TICAM2: variants seen among roughly 807,000 people sequenced by gnomAD.
TICAM2 encodes the protein TIR domain containing adaptor molecule 2.
In TICAM2, 8 loss-of-function variants were observed where a neutral mutation model predicts 7.3. The ratio of observed to expected loss-of-function variants is 1.10; its 90% CI spans 0.65 to 1.99. The LOEUF (loss-of-function observed/expected upper bound fraction) is 1.99. Among genes scored for constraint, TICAM2 ranks in the 30% most tolerant of loss-of-function variants. The probability of loss-of-function intolerance (pLI) is 0.00; values close to 1 mark genes in which losing one functional copy is unlikely to be tolerated. For synonymous variants in TICAM2, 113 were observed against 99.6 expected (o/e 1.13, Z -0.80); for missense variants, 304 against 278.8 (o/e 1.09, Z -0.65).
At chr5:115,585,681 G>T (rs190114003) in intron 1 of TICAM2, among the ~76,000 whole-genome samples, 1 of 152,204 alleles carries the variant, frequency 6.6e-6, no homozygotes, top group Admixed American at 6.5e-5. Flanking sequence ...TATAGAAACC[G>T]CAAAGGAGTG....
chr5:115,591,034 A>G (rs529334002), intron 1 of TICAM2, among the ~76,000 whole-genome samples: 6 of 152,272 alleles, frequency 3.9e-5, no homozygotes, highest in African/African-American at 1.4e-4. Context: ...GATCAATGCT[A>G]CTGCTGAGGA....
intron 1 of TICAM2, among the ~76,000 whole-genome samples, chr5:115,589,043 C>T (rs1755211719): frequency 6.6e-6 from 1 of 152,224 alleles, no homozygotes; most frequent in South Asian, 2.1e-4. Context: ...CACAACTAAA[C>T]TGTGATTGAT....
rs1202708391 is a variant in TICAM2 at position 115,579,001 on chromosome 5, C to G, written c.*1548G>C. The G allele has an allele frequency of 6.6e-6, 1 of 152,372 alleles. No homozygotes were observed. Among genetic ancestry groups the G allele is most frequent in the Non-Finnish European group, 1.5e-5 (1 of 67,988 alleles). 9.4% of individuals were successfully genotyped at this position (152,372 alleles called of 1,614,324 possible). On this transcript the variant is annotated 3_prime_UTR_variant, in exon 2 of 2. Transcript: ENST00000427199. ...AAAAAGATGTGTGCAGATCCCGGTA[C>G]TGGTAGGGGATATACAAGTGGGGAA...
At chr5:115,598,295 C>T (rs1755588409) in intron 1 of TICAM2, among the ~76,000 whole-genome samples, 1 of 152,128 alleles carries the variant, frequency 6.6e-6, no homozygotes, top group South Asian at 2.1e-4. Context: ...TGAGTTTAGC[C>T]TATCTCCAGG....
chr5:115,591,911 T>A (rs1253769546), intron 1 of TICAM2, among the ~76,000 whole-genome samples: 2 of 152,062 alleles, frequency 1.3e-5, no homozygotes, highest in East Asian at 3.9e-4. Flanking sequence ...AAGAAAAACA[T>A]CAGATCACAC....
chr5:115,587,385 G>A (rs1033675324), intron 1 of TICAM2, among the ~76,000 whole-genome samples: 2 of 152,162 alleles, frequency 1.3e-5, no homozygotes, highest in Admixed American at 1.3e-4. Flanking sequence ...TTGTTTATAT[G>A]AAGGAGAGTT....
At chr5:115,584,520 T>G (rs1755035150) in intron 1 of TICAM2, among the ~76,000 whole-genome samples, 2 of 152,238 alleles carry the variant, frequency 1.3e-5, no homozygotes, top group African/African-American at 4.8e-5. Flanking sequence ...TGTGCAAGTT[T>G]ATCTATAGAA....
At chr5:115,598,046 C>T (rs1444628110) in intron 1 of TICAM2, among the ~76,000 whole-genome samples, 5 of 152,102 alleles carry the variant, frequency 3.3e-5, no homozygotes, top group Non-Finnish European at 5.9e-5. Flanking sequence ...CACATATATA[C>T]ACATACATGT....
Position 115,581,090 on chromosome 5 carries a change from G to A in TICAM2, c.167C>T (p.Thr56Ile). Reference sequence around the variant, plus strand: ...GCTCTGAGCTCCCTCCTGCTTTCCTGTTGGCCCCTCTGTTGTATTGCTGTG... The same window carrying A: ...GCTCTGAGCTCCCTCCTGCTTTCCTATTGGCCCCTCTGTTGTATTGCTGTG... ...AEHSNTTEGP[T>I]GKQEGAQSVE... is the part of the protein sequence containing the mutation. Residue 56 changes from threonine (T) to isoleucine (I), a missense_variant, in exon 2 of 2, where the codon ACA (threonine) becomes ATA (isoleucine). Transcript: ENST00000427199. The A allele has an allele frequency of 1.2e-6, 2 of 1,614,088 alleles. No homozygotes were observed. The highest frequency in any genetic ancestry group is 1.6e-4 in the Middle Eastern group (1 of 6,062).
intron 1 of TICAM2, among the ~76,000 whole-genome samples, chr5:115,594,683 A>G (rs371988785): frequency 6.6e-6 from 1 of 152,244 alleles, no homozygotes; most frequent in Non-Finnish European, 1.5e-5. Flanking sequence ...TGTTAGAAAA[A>G]AAATATATGA....
intron 1 of TICAM2, among the ~76,000 whole-genome samples, chr5:115,600,430 C>T (rs1561580136): frequency 6.6e-6 from 1 of 151,942 alleles, no homozygotes; most frequent in Non-Finnish European, 1.5e-5. Flanking sequence ...TACAAATTGT[C>T]CTGGGGGAAA....
intron 1 of TICAM2, among the ~76,000 whole-genome samples, chr5:115,599,545 A>G (rs1048352391): frequency 2.0e-5 from 3 of 152,244 alleles, no homozygotes; most frequent in Admixed American, 6.5e-5. Context: ...TAAAGGTTCC[A>G]TAAGCTTCAT....
At chr5:115,582,338 G>GTTT (rs78204537) in intron 1 of TICAM2, among the ~76,000 whole-genome samples, 3 of 128,816 alleles carry the variant, frequency 2.3e-5, no homozygotes, top group African/African-American at 5.7e-5. Context: ...TTTTTTTTTG[G>GTTT]TTTTTTTTTT....
intron 1 of TICAM2, among the ~76,000 whole-genome samples, chr5:115,589,290 G>A (rs996676551): frequency 1.3e-5 from 2 of 152,158 alleles, no homozygotes; most frequent in South Asian, 2.1e-4. Flanking sequence ...AAGCTCTGCC[G>A]AGCTGTCAGG....
intron 1 of TICAM2, among the ~76,000 whole-genome samples, chr5:115,591,787 C>A (rs551621291): frequency 6.6e-6 from 1 of 151,914 alleles, no homozygotes; most frequent in Admixed American, 6.6e-5. Flanking sequence ...CTACACAGAA[C>A]AACTATACAA....
At chr5:115,590,887 T>A (rs1755276812) in intron 1 of TICAM2, among the ~76,000 whole-genome samples, 1 of 152,148 alleles carries the variant, frequency 6.6e-6, no homozygotes, top group Admixed American at 6.5e-5. Flanking sequence ...AACTATACCA[T>A]CATGTGTCAG....
At chr5:115,583,871 C>T (rs533000209) in intron 1 of TICAM2, among the ~76,000 whole-genome samples, 23 of 152,342 alleles carry the variant, frequency 1.5e-4, no homozygotes, top group Admixed American at 9.8e-4. Context: ...AGTTCTCCTC[C>T]TCCATCAGAA....
chr5:115,594,584 C>T (rs752807895), intron 1 of TICAM2, among the ~76,000 whole-genome samples: 2 of 152,144 alleles, frequency 1.3e-5, no homozygotes, highest in Non-Finnish European at 2.9e-5. Context: ...GGCAGCTTGA[C>T]AAGGTGTTTA....
At chr5:115,593,969 T>C (rs1486945961) in intron 1 of TICAM2, among the ~76,000 whole-genome samples, 1 of 151,992 alleles carries the variant, frequency 6.6e-6, no homozygotes, top group African/African-American at 2.4e-5. Context: ...ACATGGTTGA[T>C]TGTTTTTTTA....
Sources: allele counts gnomAD v4.1 joint callset (sites outside exome capture counted in the v4.1 genomes callset), GRCh38; gene constraint gnomAD v4.1.1; transcripts MANE v1.5; gene names NCBI Gene and HGNC (gene_info 2026-07-23, HGNC 2026-07-21).